Variants in NTM observed in about 807,000 individuals in gnomAD.
The protein encoded by NTM is IgLON family member 2.
A neutral mutation model predicts 42.1 loss-of-function variants in NTM; 13 were observed. The ratio of observed to expected loss-of-function variants is 0.31; its 90% confidence interval spans 0.20 to 0.49. NTM has a LOEUF of 0.49. Among genes scored for constraint, NTM ranks in the 20% least tolerant of loss-of-function variants. The probability of loss-of-function intolerance (pLI) is 0.99; values close to 1 mark genes in which losing one functional copy is unlikely to be tolerated. For missense variants in NTM, 373 were observed against 452.8 expected, an observed-to-expected ratio of 0.82 and a Z score of 1.60; for synonymous variants, 187 against 179.2, an observed-to-expected ratio of 1.04 and a Z score of -0.35.
intron 2 of NTM, among the ~76,000 whole-genome samples, chr11:132,082,866 A>C (rs1159780287): frequency 6.6e-6 from 1 of 152,172 alleles, no homozygotes; most frequent in African/African-American, 2.4e-5. Context: ...TTATTAGAAG[A>C]CATGTACCAA....
At chr11:132,043,348 C>T (rs899181077) in intron 2 of NTM, among the ~76,000 whole-genome samples, 4 of 152,224 alleles carry the variant, frequency 2.6e-5, no homozygotes, top group African/African-American at 9.6e-5. Flanking sequence ...ATTCTAACCA[C>T]CTGTCCCTTA....
rs917335589 is a variant in NTM, at chr11:132,003,173, C to T, written c.167+91525C>T. ...GCCCGGTTCTGAGCCAGAGTTATTTCGCTCTGCCAGTGGTGCACTTCAGAA... is the reference window on the plus strand; with the variant it reads ...GCCCGGTTCTGAGCCAGAGTTATTTTGCTCTGCCAGTGGTGCACTTCAGAA... On this transcript the variant is annotated intron_variant, in intron 2 of 8. Transcript: ENST00000683400. This position sits in a 1 kb window ranked among gnomAD's most constrained non-coding sequence, Gnocchi z 6.0. 4.6e-5 allele frequency among the ~76,000 whole-genome samples: 7 copies of T among 152,096 alleles called. No homozygotes were observed. Among genetic ancestry groups the T allele is most frequent in the Admixed American group, 2.6e-4 (4 of 15,266 alleles).
At chr11:131,572,967 C>T (rs1359441726) in intron 1 of NTM, among the ~76,000 whole-genome samples, 1 of 152,192 alleles carries the variant, frequency 6.6e-6, no homozygotes, top group Non-Finnish European at 1.5e-5. Context: ...CATTTCCCTG[C>T]AGCCTCCAGA....
rs980862175 is a variant in NTM, at chr11:131,982,855, A to G, written c.167+71207A>G. Among the ~76,000 whole-genome samples, 10 of 152,182 alleles carry G rather than the reference A, an allele frequency of 6.6e-5. No individual in the cohort carries two copies. In the South Asian group the frequency reaches 1.2e-3, roughly 19 times the overall value. On this transcript the variant is annotated intron_variant, in intron 2 of 8. Transcript: ENST00000683400. The stretch of plus-strand genomic sequence containing the variant: ...ATTTAATCAAGGCAAGATTTAACAC[A>G]AAGAAAGGACCTGGTCTTGCCTTTC...
At chr11:131,815,926 G>A (rs2092933783) in intron 1 of NTM, among the ~76,000 whole-genome samples, 1 of 152,212 alleles carries the variant, frequency 6.6e-6, no homozygotes, top group Admixed American at 6.5e-5. Flanking sequence ...AGGAGGCGGG[G>A]CTTGTGAGCT....
At position 132,092,705 on chromosome 11, in the gene NTM, A is replaced by G. The variant is rs112638434; in HGVS notation, c.168-53577A>G. 2.1e-3 allele frequency among the ~76,000 whole-genome samples: 313 copies of G among 152,264 alleles called. 1 individual carries two copies. Among genetic ancestry groups the G allele is most frequent in the Non-Finnish European group, 3.6e-3 (243 of 68,024 alleles). Reference sequence around the variant, plus strand: ...CATTGTTTTCTTGATGTTTCCATGTAAAGATCTACAGACCTCTCAAATTCA... The same window carrying G: ...CATTGTTTTCTTGATGTTTCCATGTGAAGATCTACAGACCTCTCAAATTCA... On this transcript the variant is annotated intron_variant, in intron 2 of 8. Transcript: ENST00000683400.
chr11:131,777,575 G>T (rs1327607921), intron 1 of NTM, among the ~76,000 whole-genome samples: 1 of 151,108 alleles, frequency 6.6e-6, no homozygotes, highest in Non-Finnish European at 1.5e-5. Flanking sequence ...CTGCGTTCTT[G>T]TTTCAGAAAA....
At chr11:131,933,185 G>T (rs1351897677) in intron 2 of NTM, among the ~76,000 whole-genome samples, 3 of 152,204 alleles carry the variant, frequency 2.0e-5, no homozygotes, top group African/African-American at 7.2e-5. Flanking sequence ...TCCTGCAAGT[G>T]CAGCCAGCAC....
chr11:131,681,091 G>GTA, intron 1 of NTM, among the ~76,000 whole-genome samples: 3 of 58,900 alleles, frequency 5.1e-5, no homozygotes, highest in African/African-American at 1.3e-4. Flanking sequence ...TTCTGTGTCT[G>GTA]TGTGTATGTC....
At chr11:131,718,242 T>C (rs1484801093) in intron 1 of NTM, among the ~76,000 whole-genome samples, 2 of 152,202 alleles carry the variant, frequency 1.3e-5, no homozygotes, top group Non-Finnish European at 2.9e-5. Flanking sequence ...TGGGAATTAT[T>C]CCTTCCTCTT....
intron 1 of NTM, among the ~76,000 whole-genome samples, chr11:131,812,785 A>G (rs2092792514): frequency 6.6e-6 from 1 of 152,178 alleles, no homozygotes. Flanking sequence ...GAGAGGGAAG[A>G]TGACTGCAAG....
intron 2 of NTM, among the ~76,000 whole-genome samples, chr11:132,046,989 G>A (rs1401548686): frequency 6.6e-6 from 1 of 152,174 alleles, no homozygotes; most frequent in Non-Finnish European, 1.5e-5. Flanking sequence ...GCAGCCCTAG[G>A]AATTTCAAAG....
At chr11:132,092,864 G>GT (rs985782008) in intron 2 of NTM, among the ~76,000 whole-genome samples, 1 of 152,108 alleles carries the variant, frequency 6.6e-6, no homozygotes, top group Non-Finnish European at 1.5e-5. Flanking sequence ...AAATCTGTCT[G>GT]AAAACTAAAC....
chr11:132,107,039 G>A (rs1279063023), intron 2 of NTM, among the ~76,000 whole-genome samples: 1 of 152,100 alleles, frequency 6.6e-6, no homozygotes, highest in Non-Finnish European at 1.5e-5. Flanking sequence ...TAAAAGGCAT[G>A]TAAAACTCCC....
chr11:131,436,732 C>A (rs1326709042), intron 1 of NTM, among the ~76,000 whole-genome samples: 1 of 152,042 alleles, frequency 6.6e-6, no homozygotes, highest in African/African-American at 2.4e-5. Flanking sequence ...TTCAAAAAAC[C>A]AGCTCCTAGA....
intron 2 of NTM, among the ~76,000 whole-genome samples, chr11:132,071,035 T>C (rs79995102): frequency 2.5e-4 from 20 of 81,268 alleles, no homozygotes; most frequent in African/African-American, 1.0e-3. Context: ...AACACGTCAC[T>C]CAGCCAAGTT....
chr11:131,538,871 G>A (rs1222588915), intron 1 of NTM, among the ~76,000 whole-genome samples: 1 of 142,036 alleles, frequency 7.0e-6, no homozygotes, highest in Non-Finnish European at 1.5e-5. Flanking sequence ...AATTTCAAAT[G>A]TTCTCACCAT....
intron 4 of NTM, among the ~76,000 whole-genome samples, chr11:132,292,450 A>G (rs1323113086): frequency 6.6e-6 from 1 of 152,124 alleles, no homozygotes; most frequent in Non-Finnish European, 1.5e-5. Context: ...GATCCTCAGC[A>G]GAGGACAGCG....
intron 2 of NTM, among the ~76,000 whole-genome samples, chr11:131,937,532 C>T (rs974684738): frequency 6.6e-6 from 1 of 152,064 alleles, no homozygotes; most frequent in Non-Finnish European, 1.5e-5. Flanking sequence ...GTCGTATGGA[C>T]AATTTCTTGG....
Sources: allele counts gnomAD v4.1 joint callset (sites outside exome capture counted in the v4.1 genomes callset), GRCh38; gene constraint gnomAD v4.1.1; non-coding constraint Gnocchi (gnomAD v3.1); transcripts MANE v1.5; gene names NCBI Gene and HGNC (gene_info 2026-07-23, HGNC 2026-07-21).